SMC5: variants seen among roughly 807,000 people sequenced by gnomAD.
SMC5 encodes the protein structural maintenance of chromosomes 5, also known as structural maintenance of chromosomes protein 5.
In SMC5, 88 loss-of-function variants were observed where a neutral mutation model predicts 148.3. The ratio of observed to expected loss-of-function variants is 0.59; its 90% CI spans 0.50 to 0.71. The LOEUF (loss-of-function observed/expected upper bound fraction) is 0.71, where lower values mean the gene tolerates loss of function less well. SMC5 is among the 30% of genes least tolerant of loss of function. SMC5 has a pLI of 0.00. For synonymous variants in SMC5, 421 were observed against 432.8 expected (o/e 0.97, Z 0.34); for missense variants, 1,142 against 1,298.9 (o/e 0.88, Z 1.86).
intron 17 of SMC5, among the ~76,000 whole-genome samples, chr9:70,343,166 C>T (rs1197154255): frequency 3.4e-5 from 5 of 146,536 alleles, no homozygotes; most frequent in East Asian, 4.0e-4. Flanking sequence ...TTTTTTAATG[C>T]GCTAAATGAG....
intron 15 of SMC5, among the ~76,000 whole-genome samples, chr9:70,321,495 C>G (rs1277444415): frequency 1.3e-5 from 2 of 150,568 alleles, no homozygotes; most frequent in Admixed American, 1.3e-4. Context: ...TGGGCTCAAG[C>G]AATCCTCACG....
intron 10 of SMC5, among the ~76,000 whole-genome samples, chr9:70,300,598 C>T (rs1285293092): frequency 6.6e-6 from 1 of 152,068 alleles, no homozygotes; most frequent in Admixed American, 6.5e-5. Flanking sequence ...AAGAAAATCA[C>T]CTGCTACAAA....
chr9:70,323,834 G>A (rs2118650796), intron 16 of SMC5, among the ~76,000 whole-genome samples, 187 bp from the exon 17 acceptor site: 1 of 152,170 alleles, frequency 6.6e-6, no homozygotes, highest in Non-Finnish European at 1.5e-5. Context: ...TATTCCAGAT[G>A]ACTCTCTTAA....
In SMC5 at chr9:70,259,127, A is replaced by C; in HGVS notation, c.49A>C (p.Lys17Gln). ...GTCAACTCCAAGCCCCCAGCCTTCC[A>C]AGAGAGCTCTCCCGAGAGACCCTTC... The part of the protein sequence containing the change: ...KTSTPSPQPS[K>Q]RALPRDPSSE... The change falls in exon 1 of 25, where the codon AAG becomes CAG. Residue 17 changes from lysine to glutamine, a missense_variant. Physicochemically the swap from Lys to Gln is moderately conservative, Grantham distance 53. Transcript: ENST00000361138. 6.2e-7 allele frequency: 1 copy of C among 1,612,604 alleles called. No homozygotes were observed. Among genetic ancestry groups the C allele is most frequent in the Non-Finnish European group, 8.5e-7 (1 of 1,179,318 alleles).
chr9:70,282,838 A>G (rs1311649434), intron 7 of SMC5, among the ~76,000 whole-genome samples: 1 of 152,182 alleles, frequency 6.6e-6, no homozygotes, highest in Non-Finnish European at 1.5e-5. Flanking sequence ...AAGAGGATTC[A>G]TAGTGGTATT....
chr9:70,305,136 C>T, intron 10 of SMC5, 111 bp from the exon 11 acceptor site: 50 of 529,800 alleles, frequency 9.4e-5, no homozygotes, highest in Middle Eastern at 5.2e-4. Context: ...TTTTTTTTAT[C>T]TTGTTTTTTC....
chr9:70,328,121 A>G (rs952477477), intron 17 of SMC5, among the ~76,000 whole-genome samples: 2 of 152,090 alleles, frequency 1.3e-5, no homozygotes, highest in Non-Finnish European at 2.9e-5. Flanking sequence ...GGGAATTACA[A>G]TTCAACATTT....
intron 17 of SMC5, among the ~76,000 whole-genome samples, chr9:70,333,452 G>A (rs2036275059): frequency 1.3e-5 from 2 of 152,096 alleles, no homozygotes; most frequent in Admixed American, 6.5e-5. Context: ...CCTCCTGGAC[G>A]AGGGGATAAA....
At chr9:70,346,976 G>T (rs2036680838) in intron 19 of SMC5, 90 bp from the exon 20 acceptor site, 2 of 925,770 alleles carry the variant, frequency 2.2e-6, no homozygotes, top group Admixed American at 2.2e-5. Context: ...TGAACAGATA[G>T]ATAACTTATT....
intron 17 of SMC5, among the ~76,000 whole-genome samples, chr9:70,328,896 A>G (rs890406226): frequency 1.3e-5 from 2 of 152,034 alleles, no homozygotes; most frequent in South Asian, 2.1e-4. Context: ...CCAAACCTCA[A>G]CTCTTGCCTT....
chr9:70,325,034 A>G (rs2036042941), intron 17 of SMC5, among the ~76,000 whole-genome samples: 1 of 152,112 alleles, frequency 6.6e-6, no homozygotes, highest in African/African-American at 2.4e-5. Flanking sequence ...TTATATAGAC[A>G]TGGTTGTTGA....
chr9:70,310,955 T>A (rs2035641267), intron 11 of SMC5: 1 of 152,292 alleles, frequency 6.6e-6, no homozygotes, highest in Non-Finnish European at 1.5e-5. Flanking sequence ...AGTTAGGGCT[T>A]GCTCTGGATT....
rs764161081 is a variant in SMC5 at position 70,344,240 on chromosome 9, G to A, written c.2494G>A (p.Glu832Lys). 6.7e-7 allele frequency: 1 copy of A among 1,491,522 alleles called. No homozygotes were observed. Among genetic ancestry groups the A allele is most frequent in the South Asian group, 1.5e-5 (1 of 66,976 alleles). 92.4% of individuals were successfully genotyped at this position (1,491,522 alleles called of 1,614,324 possible). The change falls in exon 18 of 25, where the codon GAG (glutamate) becomes AAG (lysine). Residue 832 changes from glutamate to lysine, a missense_variant. Physicochemically the swap from Glu to Lys is moderately conservative, Grantham distance 56. Coordinates refer to ENST00000361138, the MANE Select transcript of SMC5 (RefSeq NM_015110.4). Reference sequence around the variant, plus strand: ...TAGGCAAGTATGTAACCTGGGTGCAGAGCAGACTCTTCCTCAAGAATACCA... The same window carrying A: ...TAGGCAAGTATGTAACCTGGGTGCAAAGCAGACTCTTCCTCAAGAATACCA... ...RARQVCNLGA[E>K]QTLPQEYQTQ...
In SMC5 at chr9:70,296,613, A is replaced by G. The variant is rs911271355; in HGVS notation, c.1054-1353A>G. Among the ~76,000 whole-genome samples, 4 of 152,204 alleles carry G rather than the reference A, an allele frequency of 2.6e-5. No individual in the cohort carries two copies. In the South Asian group the frequency reaches 6.2e-4, roughly 24 times the overall value. ...AGATTATAAGTTATTTTTATTTGTT[A>G]TAAGTCTCTATTTTCAGTAATGAAT... is the stretch of plus-strand genomic sequence containing the variant. On this transcript the variant is annotated intron_variant, in intron 8 of 24. Coordinates refer to ENST00000361138, the MANE Select transcript of SMC5 (RefSeq NM_015110.4).
At chr9:70,334,129 GTTTT>G (rs75387148) in intron 17 of SMC5, among the ~76,000 whole-genome samples, 1 of 133,996 alleles carries the variant, frequency 7.5e-6, no homozygotes, top group Admixed American at 7.6e-5. Flanking sequence ...AGTTGTTGTT[GTTTT>G]TTTTTTTTTT....
chr9:70,298,293 C>A (rs886192939), intron 9 of SMC5, 72 bp downstream of exon 9: 3 of 1,461,874 alleles, frequency 2.1e-6, no homozygotes, highest in South Asian at 1.4e-5. Flanking sequence ...CTTTCTTCTG[C>A]TTCTATAATT....
chr9:70,317,325 C>T (rs2035829629), intron 13 of SMC5, among the ~76,000 whole-genome samples: 1 of 152,094 alleles, frequency 6.6e-6, no homozygotes, highest in Non-Finnish European at 1.5e-5. Flanking sequence ...ATTGTTCTCT[C>T]ATTAATTTCT....
At chr9:70,294,292 C>G (rs921978725) in intron 8 of SMC5, among the ~76,000 whole-genome samples, 2 of 152,170 alleles carry the variant, frequency 1.3e-5, no homozygotes, top group African/African-American at 4.8e-5. Flanking sequence ...ATAGGTTTAT[C>G]TGGTAGTTTT....
At chr9:70,268,657 G>A (rs532246085) in intron 3 of SMC5, among the ~76,000 whole-genome samples, 2 of 150,202 alleles carry the variant, frequency 1.3e-5, no homozygotes, top group African/African-American at 2.5e-5. Context: ...TTTAAAAAAC[G>A]CAAACAATGT....
Sources: gnomAD v4.1 joint callset for allele counts (sites outside exome capture counted in the v4.1 genomes callset) on GRCh38, gnomAD v4.1.1 for gene constraint, MANE v1.5 for transcripts, NCBI Gene and HGNC (gene_info 2026-07-23, HGNC 2026-07-21) for gene names.